Variants in CSMD1 observed in about 807,000 individuals in gnomAD.
CSMD1 encodes CUB and Sushi multiple domains 1.
Under a neutral mutation model 417.5 loss-of-function variants are expected in CSMD1, and 213 were observed. That is an observed-to-expected ratio of 0.51 (90% CI 0.46 to 0.57). The LOEUF (loss-of-function observed/expected upper bound fraction) is 0.57, where lower values mean the gene tolerates loss of function less well. Among genes scored for constraint, CSMD1 ranks in the 20% least tolerant of loss-of-function variants. CSMD1 has a pLI of 0.00. For missense variants in CSMD1, 6,923 were observed against 4,529.7 expected (o/e 1.53, Z -15.17); for synonymous variants, 2,862 against 1,736.8 (o/e 1.65, Z -16.11).
intron 3 of CSMD1, among the ~76,000 whole-genome samples, chr8:4,361,227 G>A (rs1184915880): frequency 6.6e-6 from 1 of 152,032 alleles, no homozygotes; most frequent in Non-Finnish European, 1.5e-5. Flanking sequence ...GAATACCTAA[G>A]TTACTCAAAA....
At position 4,957,840 on chromosome 8, in the gene CSMD1, C is replaced by T. The variant is rs939773767; in HGVS notation, c.85+36492G>A. Among the ~76,000 whole-genome samples, 7 of 152,278 alleles carry T rather than the reference C, an allele frequency of 4.6e-5. 1 individual carries two copies. The East Asian group carries it at 1.4e-3, about 29-fold the overall frequency. Reference sequence around the variant, plus strand: ...AGGTGGATAGTACAATTGGACAATACTCAGCTCCTGCAGTCACTCTGCCAG... The same window carrying T: ...AGGTGGATAGTACAATTGGACAATATTCAGCTCCTGCAGTCACTCTGCCAG... On this transcript the variant is annotated intron_variant, in intron 1 of 69. Transcript: ENST00000635120.
rs533183831 is a variant in CSMD1, at chr8:4,239,855, T to C, written c.415+180098A>G. On this transcript the variant is annotated intron_variant, in intron 3 of 69. Transcript: ENST00000635120. Reference sequence around the variant, plus strand: ...AATGTGTCTACACTATTTTGGAATATAGTGAAAAACAAAGTATCCTTATCC... The same window carrying C: ...AATGTGTCTACACTATTTTGGAATACAGTGAAAAACAAAGTATCCTTATCC... Among the ~76,000 whole-genome samples the C allele has an allele frequency of 4.3e-4, 65 of 152,306 alleles. 3 individuals are homozygous for C. The South Asian group carries it at 0.012, about 28-fold the overall frequency.
rs796390352 is a variant in CSMD1 at position 3,803,455 on chromosome 8, T to C, written c.819-49413A>G. ...GGAGATTACTCAAAGGAGAAAATATTAAACCCCAAGTTATTACTGCTTCAG... is the reference window on the plus strand; with the variant it reads ...GGAGATTACTCAAAGGAGAAAATATCAAACCCCAAGTTATTACTGCTTCAG... On this transcript the variant is annotated intron_variant, in intron 5 of 69. Coordinates refer to ENST00000635120, the MANE Select transcript of CSMD1 (RefSeq NM_033225.6). Among the ~76,000 whole-genome samples the C allele has an allele frequency of 6.6e-5, 10 of 152,234 alleles. No homozygotes were observed. In the East Asian group the frequency reaches 1.2e-3, roughly 18 times the overall value.
chr8:4,950,774 A>G (rs1289404770), intron 1 of CSMD1, among the ~76,000 whole-genome samples: 1 of 152,160 alleles, frequency 6.6e-6, no homozygotes, highest in Non-Finnish European at 1.5e-5. Flanking sequence ...GCAGCACGCT[A>G]AGTCAGACAA....
At chr8:4,599,187 A>G (rs1800448608) in intron 2 of CSMD1, among the ~76,000 whole-genome samples, 1 of 152,176 alleles carries the variant, frequency 6.6e-6, no homozygotes, top group South Asian at 2.1e-4. Flanking sequence ...ACTTAAAACA[A>G]TAAGAATGAC....
intron 3 of CSMD1, among the ~76,000 whole-genome samples, chr8:4,208,866 A>G (rs1445525277): frequency 1.3e-5 from 2 of 152,194 alleles, no homozygotes; most frequent in African/African-American, 4.8e-5. Flanking sequence ...GTATCCATTC[A>G]AAATACCAGG....
At chr8:4,485,269 G>T (rs1167991315) in intron 2 of CSMD1, among the ~76,000 whole-genome samples, 1 of 152,136 alleles carries the variant, frequency 6.6e-6, no homozygotes, top group African/African-American at 2.4e-5. Context: ...AAACTTGCTT[G>T]GAACGCCTGT....
chr8:4,516,315 G>A lies in CSMD1; in HGVS notation c.303-96250C>T, dbSNP rs190259673. Among the ~76,000 whole-genome samples, 8 of 152,194 alleles carry A rather than the reference G, an allele frequency of 5.3e-5. No individual in the cohort carries two copies. The East Asian group carries it at 1.2e-3, about 22-fold the overall frequency. ...CTGACACCGTGATCTTGGACTTCTCGATTCCAAAATTAAGAAGAAACAGAT... is the reference window on the plus strand; with the variant it reads ...CTGACACCGTGATCTTGGACTTCTCAATTCCAAAATTAAGAAGAAACAGAT... On this transcript the variant is annotated intron_variant, in intron 2 of 69. Transcript: ENST00000635120.
At chr8:3,396,126 A>C (rs1003630873) in intron 17 of CSMD1, 68 bp downstream of exon 17, 1 of 1,382,274 alleles carries the variant, frequency 7.2e-7, no homozygotes, top group Non-Finnish European at 1.0e-6. Flanking sequence ...GCTGGAAATA[A>C]GAACCCAGAT....
intron 5 of CSMD1, among the ~76,000 whole-genome samples, chr8:3,864,623 C>T (rs1279895431): frequency 6.6e-6 from 1 of 152,100 alleles, no homozygotes; most frequent in Non-Finnish European, 1.5e-5. Flanking sequence ...CCCCAGTAAC[C>T]CCATCCCACA....
intron 5 of CSMD1, among the ~76,000 whole-genome samples, chr8:3,966,074 T>C (rs1266279060): frequency 6.6e-6 from 1 of 152,186 alleles, no homozygotes; most frequent in African/African-American, 2.4e-5. Context: ...AAATAACGAA[T>C]GTCCAGGAGT....
At chr8:3,173,180 C>T (rs773629899) in intron 37 of CSMD1, among the ~76,000 whole-genome samples, 14 of 152,146 alleles carry the variant, frequency 9.2e-5, no homozygotes, top group Admixed American at 3.9e-4. Flanking sequence ...ATTGTTAAAA[C>T]GCCAAAATAT....
At chr8:3,669,103 G>A (rs754315011) in intron 7 of CSMD1, among the ~76,000 whole-genome samples, 9 of 152,122 alleles carry the variant, frequency 5.9e-5, no homozygotes, top group East Asian at 1.9e-4. Context: ...AGCCATTAAC[G>A]TACAGAAAAA....
At chr8:4,407,201 G>A (rs566206692) in intron 3 of CSMD1, among the ~76,000 whole-genome samples, 3 of 152,188 alleles carry the variant, frequency 2.0e-5, no homozygotes, top group East Asian at 1.9e-4. Flanking sequence ...TCTTTAGAGT[G>A]ATCACCCCTG....
At chr8:3,466,276 A>G in intron 12 of CSMD1, among the ~76,000 whole-genome samples, 1 of 152,106 alleles carries the variant, frequency 6.6e-6, no homozygotes, top group Non-Finnish European at 1.5e-5. Flanking sequence ...GTTACTGGGC[A>G]GCAGAACCAG....
chr8:3,866,466 A>T (rs976250414), intron 5 of CSMD1, among the ~76,000 whole-genome samples: 3 of 152,112 alleles, frequency 2.0e-5, no homozygotes, highest in Admixed American at 6.5e-5. Flanking sequence ...TGTGCTTGTG[A>T]TATTAATATT....
chr8:3,782,153 G>C (rs982437849), intron 5 of CSMD1, among the ~76,000 whole-genome samples: 55 of 152,230 alleles, frequency 3.6e-4, no homozygotes, highest in Admixed American at 1.4e-3. Flanking sequence ...ATTTAAAAGA[G>C]AAAACAAACG....
intron 23 of CSMD1, among the ~76,000 whole-genome samples, chr8:3,322,707 C>T (rs1009701819): frequency 6.6e-6 from 1 of 152,188 alleles, no homozygotes; most frequent in South Asian, 2.1e-4. Flanking sequence ...CAGTGGAGTC[C>T]ACAGCCAGTG....
At chr8:3,825,973 T>C (rs549405260) in intron 5 of CSMD1, among the ~76,000 whole-genome samples, 78 of 152,354 alleles carry the variant, frequency 5.1e-4, no homozygotes, top group African/African-American at 1.6e-3. Flanking sequence ...TTAACTTGGC[T>C]TTCAGCAGGA....
Sources: allele counts gnomAD v4.1 joint callset (sites outside exome capture counted in the v4.1 genomes callset), GRCh38; gene constraint gnomAD v4.1.1; transcripts MANE v1.5; gene names NCBI Gene and HGNC (gene_info 2026-07-23, HGNC 2026-07-21).